The following TAS2R1 variants were observed in gnomAD, a reference collection of about 807,000 sequenced individuals.
TAS2R1 encodes taste 2 receptor member 1.
For missense variants in TAS2R1, 370 were observed against 353.4 expected, an observed-to-expected ratio of 1.05 and a Z score of -0.38; for synonymous variants, 141 against 134.2, an observed-to-expected ratio of 1.05 and a Z score of -0.35.
chr5:9,733,926 C>T, the TAS2R1 span, among the ~76,000 whole-genome samples: 2 of 151,816 alleles, frequency 1.3e-5, no homozygotes, highest in South Asian at 4.1e-4. Context: ...CCCAATATAA[C>T]TATTTCCAAG....
the TAS2R1 span, among the ~76,000 whole-genome samples, chr5:9,748,149 G>A: frequency 6.6e-6 from 1 of 152,012 alleles, no homozygotes; most frequent in African/African-American, 2.4e-5. Context: ...TGAAAGGAGA[G>A]CTATTCTAGC....
chr5:9,896,418 T>G, the TAS2R1 span, among the ~76,000 whole-genome samples: 1 of 152,284 alleles, frequency 6.6e-6, no homozygotes, highest in East Asian at 1.9e-4. Flanking sequence ...AAAAAGAACC[T>G]AATTGGTTTA....
chr5:9,845,351 G>C, the TAS2R1 span, among the ~76,000 whole-genome samples: 5 of 152,286 alleles, frequency 3.3e-5, no homozygotes, highest in East Asian at 7.7e-4. Flanking sequence ...TTAAAAACTA[G>C]TCTGTTCTGC....
chr5:9,734,282 A>G, the TAS2R1 span, among the ~76,000 whole-genome samples: 35 of 152,174 alleles, frequency 2.3e-4, no homozygotes, highest in Non-Finnish European at 2.9e-5. Context: ...CTAATAAATT[A>G]CCCAACCTAA....
At chr5:9,635,369 T>C (rs1252515428) in intron 2 of TAS2R1, among the ~76,000 whole-genome samples, 1 of 152,156 alleles carries the variant, frequency 6.6e-6, no homozygotes, top group African/African-American at 2.4e-5. Flanking sequence ...TGGGGACTTT[T>C]GCATCTACTT....
chr5:9,841,507 G>A, the TAS2R1 span, among the ~76,000 whole-genome samples: 4 of 152,118 alleles, frequency 2.6e-5, no homozygotes, highest in African/African-American at 9.7e-5. Context: ...CATATCATGA[G>A]TTGTAATATA....
At chr5:9,870,379 T>C in the TAS2R1 span, among the ~76,000 whole-genome samples, 1 of 152,180 alleles carries the variant, frequency 6.6e-6, no homozygotes, top group Non-Finnish European at 1.5e-5. Context: ...TCAAAACAAG[T>C]GCTTTGTTTC....
chr5:9,817,546 T>C, the TAS2R1 span, among the ~76,000 whole-genome samples: 5 of 152,302 alleles, frequency 3.3e-5, no homozygotes, highest in South Asian at 2.1e-4. Context: ...AGTTAGATAG[T>C]GGTGATGGTT....
chr5:9,823,700 AAGGG>A, the TAS2R1 span, among the ~76,000 whole-genome samples: 5 of 129,014 alleles, frequency 3.9e-5, no homozygotes, highest in African/African-American at 5.8e-5. Flanking sequence ...GGGAGGAAGG[AAGGG>A]AGGGAGGGAG....
the TAS2R1 span, among the ~76,000 whole-genome samples, chr5:9,835,458 A>G: frequency 2.0e-5 from 3 of 152,248 alleles, no homozygotes; most frequent in Non-Finnish European, 2.9e-5. Context: ...GTGCCTGTCA[A>G]TAAGAACAGA....
chr5:9,889,737 G>A, the TAS2R1 span: 1 of 152,206 alleles, frequency 6.6e-6, no homozygotes, highest in African/African-American at 2.4e-5. Flanking sequence ...TGGGTCAGAA[G>A]GGGCAGAGTC....
chr5:9,803,419 C>T, the TAS2R1 span, among the ~76,000 whole-genome samples: 2 of 152,136 alleles, frequency 1.3e-5, no homozygotes, highest in African/African-American at 4.8e-5. Flanking sequence ...ACAAGAAGTT[C>T]ATCACCTAGG....
intron 1 of TAS2R1, among the ~76,000 whole-genome samples, chr5:9,670,960 A>G (rs536281350): frequency 7.0e-4 from 106 of 152,348 alleles, no homozygotes; most frequent in African/African-American, 2.3e-3. Flanking sequence ...AGTAGACTTT[A>G]TTCCTGGGGT....
intron 2 of TAS2R1, among the ~76,000 whole-genome samples, chr5:9,654,732 T>G (rs1173639102): frequency 4.6e-5 from 7 of 152,208 alleles, no homozygotes; most frequent in Non-Finnish European, 1.0e-4. Context: ...AGAATTTACA[T>G]GGAAATTAAT....
chr5:9,839,729 T>C, the TAS2R1 span, among the ~76,000 whole-genome samples: 1 of 152,138 alleles, frequency 6.6e-6, no homozygotes, highest in Admixed American at 6.5e-5. Context: ...AGTTTTTGCA[T>C]GTGCAGTGCT....
chr5:9,893,902 T>G, the TAS2R1 span, among the ~76,000 whole-genome samples: 1 of 152,202 alleles, frequency 6.6e-6, no homozygotes, highest in African/African-American at 2.4e-5. Context: ...ACACAGTACC[T>G]AACATGGCCT....
chr5:9,857,669 T>G, the TAS2R1 span, among the ~76,000 whole-genome samples: 1 of 152,228 alleles, frequency 6.6e-6, no homozygotes, highest in Non-Finnish European at 1.5e-5. Flanking sequence ...GGTCAGCTAC[T>G]AGAAGATTAT....
At chr5:9,819,906 G>A in the TAS2R1 span, among the ~76,000 whole-genome samples, 10 of 152,072 alleles carry the variant, frequency 6.6e-5, no homozygotes, top group East Asian at 7.7e-4. Flanking sequence ...CAAAAAAAGC[G>A]TACTGCACAA....
chr5:9,902,837 A>G, the TAS2R1 span: 1 of 151,876 alleles, frequency 6.6e-6, no homozygotes, highest in South Asian at 2.1e-4. Flanking sequence ...TTTTAATCTC[A>G]TGGAGCTTAA....
Sources: allele counts gnomAD v4.1 joint callset (sites outside exome capture counted in the v4.1 genomes callset), GRCh38; gene constraint gnomAD v4.1.1; transcripts MANE v1.5; gene names NCBI Gene and HGNC (gene_info 2026-07-23, HGNC 2026-07-21).